The following ZNF567 variants were observed in gnomAD, a reference collection of about 807,000 sequenced individuals.
ZNF567 encodes the protein zinc finger protein 567.
In ZNF567, 36 loss-of-function variants were observed where a neutral mutation model predicts 53.9. The ratio of observed to expected loss-of-function variants is 0.67; its 90% CI spans 0.51 to 0.88. The LOEUF (loss-of-function observed/expected upper bound fraction) is 0.88, where lower values mean the gene tolerates loss of function less well. ZNF567 is among the 40% of genes least tolerant of loss of function. The probability of loss-of-function intolerance (pLI) is 0.00; values close to 1 mark genes in which losing one functional copy is unlikely to be tolerated. For synonymous variants in ZNF567, 224 were observed against 260.4 expected, an observed-to-expected ratio of 0.86 and a Z score of 1.35; for missense variants, 619 against 764.7, an observed-to-expected ratio of 0.81 and a Z score of 2.25.
chr19:36,712,612 C>A lies in ZNF567; in HGVS notation c.136+100C>A. On this transcript the variant is annotated intron_variant, in intron 4 of 5. Coordinates refer to ENST00000682579, the MANE Select transcript of ZNF567 (RefSeq NM_001322917.1). ...TTTCAGGAATAAGAGGTGATGAATT[C>A]CTTTTCGTTAGCAGAATGAATGATT... The A allele has an allele frequency of 2.0e-6, 3 of 1,530,198 alleles. No individual in the cohort carries two copies. The South Asian group carries it at 3.4e-5, about 17-fold the overall frequency. 94.8% of individuals were successfully genotyped at this position (1,530,198 alleles called of 1,614,324 possible).
chr19:36,680,135 T>G, the ZNF567 span, among the ~76,000 whole-genome samples: 1 of 152,204 alleles, frequency 6.6e-6, no homozygotes, highest in Non-Finnish European at 1.5e-5. Context: ...CAATATACAA[T>G]TGTACATACA....
the ZNF567 span, among the ~76,000 whole-genome samples, chr19:36,667,077 T>C: frequency 6.6e-6 from 1 of 152,126 alleles, no homozygotes; most frequent in Non-Finnish European, 1.5e-5. Flanking sequence ...GGGCTGTGGC[T>C]GAAGATAATT....
chr19:36,676,853 A>G, the ZNF567 span, among the ~76,000 whole-genome samples: 1 of 152,094 alleles, frequency 6.6e-6, no homozygotes, highest in African/African-American at 2.4e-5. Flanking sequence ...CTTCATCTCT[A>G]TTTATAAAAG....
At chr19:36,707,160 T>C (rs2039539321) in intron 3 of ZNF567, among the ~76,000 whole-genome samples, 3 of 152,122 alleles carry the variant, frequency 2.0e-5, no homozygotes, top group African/African-American at 7.2e-5. Context: ...TCTTTTTTTT[T>C]AGATTGAGAA....
chr19:36,680,820 A>G, the ZNF567 span, among the ~76,000 whole-genome samples: 3 of 151,986 alleles, frequency 2.0e-5, no homozygotes, highest in Non-Finnish European at 4.4e-5. Flanking sequence ...CCGGGGTCAC[A>G]TTGCTGCCTC....
At chr19:36,694,971 T>A in intron 3 of ZNF567, 95 bp downstream of exon 3, 1 of 1,347,342 alleles carries the variant, frequency 7.4e-7, no homozygotes, top group South Asian at 1.4e-5. Flanking sequence ...TACATCCTCC[T>A]ACCTATCTTT....
At chr19:36,684,249 G>A (rs986771899), upstream of ZNF567, among the ~76,000 whole-genome samples, 3 of 152,054 alleles carry the variant, frequency 2.0e-5, no homozygotes, top group African/African-American at 7.2e-5. Context: ...AGTCCTATAA[G>A]CCTATATCCA....
At chr19:36,707,244 T>TG (rs1283282919) in intron 3 of ZNF567, among the ~76,000 whole-genome samples, 1 of 152,168 alleles carries the variant, frequency 6.6e-6, no homozygotes, top group Non-Finnish European at 1.5e-5. Context: ...TCTTGTTTGT[T>TG]TTGTTTTTTA....
At chr19:36,707,671 G>T (rs1438395671) in intron 3 of ZNF567, among the ~76,000 whole-genome samples, 11 of 152,074 alleles carry the variant, frequency 7.2e-5, no homozygotes, top group Non-Finnish European at 1.5e-4. Flanking sequence ...TCTGCCTTCC[G>T]GGTTTAAGTG....
Position 36,712,871 on chromosome 19 carries a change from AGTTTCTGGCT to A in ZNF567, c.223+5_223+14del. On this transcript the variant is annotated splice_donor_5th_base_variant and intron_variant, in intron 5 of 5. Transcript: ENST00000682579. ...TTTGCAGGTCATACCTGCTTGGGTG[AGTTTCTGGCT>A]CTTAGGCAGACACAGTCTAGCAGAA... 1 of 1,612,010 alleles carries A rather than the reference AGTTTCTGGCT, an allele frequency of 6.2e-7. No homozygotes were observed. Among genetic ancestry groups the A allele is most frequent in the Non-Finnish European group, 8.5e-7 (1 of 1,178,676 alleles).
rs1252699453 is a variant in ZNF567, at chr19:36,721,267, A to G, written c.*599A>G. On this transcript the variant is annotated 3_prime_UTR_variant, in exon 6 of 6. Coordinates refer to ENST00000682579, the MANE Select transcript of ZNF567 (RefSeq NM_001322917.1). Reference sequence around the variant, plus strand: ...TTAAGAATATATTGCTGTTTATCCTATTGATGGATATTTGTATTTTTTATA... The same window carrying G: ...TTAAGAATATATTGCTGTTTATCCTGTTGATGGATATTTGTATTTTTTATA... 6.6e-6 allele frequency: 1 copy of G among 152,036 alleles called. No homozygotes were observed. The highest frequency in any genetic ancestry group is 1.9e-4 in the East Asian group (1 of 5,194). 9.4% of individuals were successfully genotyped at this position (152,036 alleles called of 1,614,324 possible). A position where few individuals can be genotyped will look rare whatever the true frequency, so the allele number is the denominator to read the frequency against.
At chr19:36,690,269 C>T (rs890852690) in intron 2 of ZNF567, among the ~76,000 whole-genome samples, 2 of 152,178 alleles carry the variant, frequency 1.3e-5, no homozygotes, top group Non-Finnish European at 2.9e-5. Flanking sequence ...TTACTAATTA[C>T]ATGATATGTT....
chr19:36,683,159 T>C (rs3108555), upstream of ZNF567, among the ~76,000 whole-genome samples: 101,860 of 151,486 alleles, frequency 0.67, 34,564 homozygotes, highest in East Asian at 0.82. Flanking sequence ...ACAGCCTCAA[T>C]ATCCTTGGGC....
At chr19:36,671,624 G>A in the ZNF567 span, among the ~76,000 whole-genome samples, 1 of 152,190 alleles carries the variant, frequency 6.6e-6, no homozygotes. Flanking sequence ...GCCGTTTGGA[G>A]CCTTTGGCAG....
At chr19:36,686,107 T>C (rs1043220721), upstream of ZNF567, 9 of 152,322 alleles carry the variant, frequency 5.9e-5, no homozygotes, top group African/African-American at 2.2e-4. Flanking sequence ...CCACATTCTA[T>C]TGGTCAAAGC....
At chr19:36,725,821 A>G (rs1191883487), downstream of ZNF567, among the ~76,000 whole-genome samples, 1 of 152,066 alleles carries the variant, frequency 6.6e-6, no homozygotes, top group Non-Finnish European at 1.5e-5. Context: ...GCTAACTTCT[A>G]TATTTTTTAC....
At chr19:36,687,711 G>C (rs942923580) in intron 1 of ZNF567, 77 bp downstream of exon 1, 3 of 152,864 alleles carry the variant, frequency 2.0e-5, no homozygotes, top group Admixed American at 1.3e-4. Flanking sequence ...GGAGGGAGGC[G>C]GGAGCCTGGG....
Position 36,719,845 on chromosome 19 carries a change from TC to T in ZNF567, c.1123del (p.Arg375AlafsTer91). The T allele has an allele frequency of 6.2e-7, 1 of 1,614,096 alleles. No individual in the cohort carries two copies. The highest frequency in any genetic ancestry group is 8.5e-7 in the Non-Finnish European group (1 of 1,180,018). On this transcript the variant is annotated frameshift_variant, in exon 6 of 6. Transcript: ENST00000682579. LOFTEE classifies it high-confidence loss of function. ...GAGTGTAATGACTGTGGGAAGTCCTTCCGCCAGAAGACAACACTCTCTCTAC... is the reference window on the plus strand; with the variant it reads ...GAGTGTAATGACTGTGGGAAGTCCTTCGCCAGAAGACAACACTCTCTCTAC... ...PYECNDCGKSFRQKTTLSLHQ... is the reference protein window; with the variant it reads ...PYECNDCGKSXRQKTTLSLHQ...
At chr19:36,686,302 C>T (rs1320562344), upstream of ZNF567, 24 of 152,126 alleles carry the variant, frequency 1.6e-4, no homozygotes, top group Non-Finnish European at 1.5e-5. Context: ...TCTTAGAGAA[C>T]CTCAAGGCAA....
Sources: allele counts gnomAD v4.1 joint callset (sites outside exome capture counted in the v4.1 genomes callset), GRCh38; gene constraint gnomAD v4.1.1; transcripts MANE v1.5; gene names NCBI Gene and HGNC (gene_info 2026-07-23, HGNC 2026-07-21).